ADCY5: variants seen among roughly 807,000 people sequenced by gnomAD.
ADCY5 encodes adenylate cyclase 5.
In ADCY5, 30 loss-of-function variants were observed where a neutral mutation model predicts 119.7. The ratio of observed to expected loss-of-function variants is 0.25; its 90% CI spans 0.19 to 0.34. The LOEUF is 0.34. ADCY5 is among the 10% of genes least tolerant of loss of function. ADCY5 has a pLI of 1.00. For synonymous variants in ADCY5, 753 were observed against 762.2 expected (o/e 0.99, Z 0.20); for missense variants, 1,324 against 1,775.2 (o/e 0.75, Z 4.57).
In ADCY5 at chr3:123,447,463, G is replaced by A. The variant is rs768143105; in HGVS notation, c.1083C>T (p.His361=). The A allele has an allele frequency of 1.2e-6, 2 of 1,610,030 alleles. No individual in the cohort carries two copies. The highest frequency in any genetic ancestry group is 8.5e-7 in the Non-Finnish European group (1 of 1,178,284). The change falls in exon 1 of 21, where the codon CAC becomes CAT. Residue 361 remains histidine (H), a synonymous_variant. Coordinates refer to ENST00000462833, the MANE Select transcript of ADCY5 (RefSeq NM_183357.3). ...VLSGVLLSAL[H]LAIALRTNAQ... is the part of the protein sequence containing the mutation. ...CGTTGGTGCGCAGGGCGATGGCCAG[G>A]TGGAGGGCGGACAGGAGCACCCCGC...
At chr3:123,364,092 T>C (rs1195871588) in intron 1 of ADCY5, among the ~76,000 whole-genome samples, 1 of 152,164 alleles carries the variant, frequency 6.6e-6, no homozygotes. Context: ...TGTATACATT[T>C]CAAAATGTTA....
At chr3:123,289,719 T>C (rs1939018599) in intron 19 of ADCY5, 31 bp downstream of exon 19, 1 of 1,608,716 alleles carries the variant, frequency 6.2e-7, no homozygotes, top group East Asian at 2.2e-5. Context: ...GACTGCACCC[T>C]GGGCTCAGCA....
At chr3:123,302,106 A>G (rs1939885788) in intron 14 of ADCY5, among the ~76,000 whole-genome samples, 1 of 152,214 alleles carries the variant, frequency 6.6e-6, no homozygotes, top group Non-Finnish European at 1.5e-5. Context: ...GGATGAAAAC[A>G]TAGACCTTCT....
At chr3:123,291,423 G>A in intron 17 of ADCY5, 47 bp from the exon 18 acceptor site, 1 of 1,574,500 alleles carries the variant, frequency 6.4e-7, no homozygotes, top group South Asian at 1.2e-5. Context: ...TGTGAGCCCA[G>A]ATGTCGGCCC....
At chr3:123,318,243 A>G (rs1941029788) in intron 10 of ADCY5, 126 bp from the exon 11 acceptor site, 1 of 675,396 alleles carries the variant, frequency 1.5e-6, no homozygotes, top group Non-Finnish European at 2.6e-6. Flanking sequence ...CTCCCACAAC[A>G]GGGAAGACTC....
At chr3:123,288,183 G>A (rs184234382) in intron 19 of ADCY5, among the ~76,000 whole-genome samples, 388 of 152,308 alleles carry the variant, frequency 2.5e-3, no homozygotes, top group Non-Finnish European at 3.9e-3. Flanking sequence ...CTGGCCCAGG[G>A]AAAGCCCGAT....
intron 1 of ADCY5, among the ~76,000 whole-genome samples, chr3:123,405,243 C>T (rs867007842): frequency 6.6e-6 from 1 of 152,248 alleles, no homozygotes; most frequent in African/African-American, 2.4e-5. Context: ...TGCCAAGGGA[C>T]TCCAGCCCTC....
chr3:123,362,851 C>T (rs1943299448), intron 1 of ADCY5, among the ~76,000 whole-genome samples: 1 of 151,796 alleles, frequency 6.6e-6, no homozygotes, highest in Non-Finnish European at 1.5e-5. Flanking sequence ...TAGAATTTAA[C>T]AACAAAAAAA....
intron 3 of ADCY5, among the ~76,000 whole-genome samples, chr3:123,341,847 G>C (rs1361827411): frequency 6.6e-6 from 1 of 151,964 alleles, no homozygotes; most frequent in African/African-American, 2.4e-5. Context: ...TAGCAGCTCA[G>C]TAAATGTTTG....
At chr3:123,349,499 T>C (rs1187201590) in intron 2 of ADCY5, among the ~76,000 whole-genome samples, 1 of 152,164 alleles carries the variant, frequency 6.6e-6, no homozygotes, top group Non-Finnish European at 1.5e-5. Context: ...CTGCCCTCCC[T>C]GACGCCTGCA....
chr3:123,319,537 G>A (rs1193526235), intron 10 of ADCY5, 137 bp downstream of exon 10: 2 of 1,059,804 alleles, frequency 1.9e-6, no homozygotes, highest in Admixed American at 2.5e-5. Flanking sequence ...TCTAGGTAGT[G>A]CAGCATCAGA....
intron 9 of ADCY5, 50 bp downstream of exon 9, chr3:123,320,699 G>C: frequency 1.2e-6 from 2 of 1,606,900 alleles, no homozygotes; most frequent in Non-Finnish European, 1.7e-6. Context: ...TGGATTGGGA[G>C]ATATCCCCCA....
intron 1 of ADCY5, among the ~76,000 whole-genome samples, chr3:123,446,224 C>T (rs1251644917): frequency 6.6e-6 from 1 of 152,048 alleles, no homozygotes; most frequent in Admixed American, 6.5e-5. Context: ...AGCCAGGGGA[C>T]ACAGGAGAGC....
chr3:123,374,111 C>T (rs55942221), intron 1 of ADCY5, among the ~76,000 whole-genome samples: 31,912 of 151,998 alleles, frequency 0.21, 3,494 homozygotes, highest in Middle Eastern at 0.25. Flanking sequence ...ATGCCTCTGT[C>T]GGCCAAAGAG....
At position 123,330,761 on chromosome 3, in the gene ADCY5, C is replaced by T. The variant is rs1941722343; in HGVS notation, c.1646+128G>A. On this transcript the variant is annotated intron_variant, in intron 5 of 20. Transcript: ENST00000462833. Reference sequence around the variant, plus strand: ...CACGCCAACCCTCAGCTTGGCTGGGCACCTTTTGGCAGACAGTTTCACCCC... The same window carrying T: ...CACGCCAACCCTCAGCTTGGCTGGGTACCTTTTGGCAGACAGTTTCACCCC... 4.7e-6 allele frequency: 6 copies of T among 1,282,046 alleles called. No homozygotes were observed. In the South Asian group the frequency reaches 8.1e-5, roughly 17 times the overall value. 79.4% of individuals were successfully genotyped at this position (1,282,046 alleles called of 1,614,324 possible). A position where few individuals can be genotyped will look rare whatever the true frequency, so the allele number is the denominator to read the frequency against.
chr3:123,399,426 C>T (rs937615631), intron 1 of ADCY5, among the ~76,000 whole-genome samples: 3 of 152,120 alleles, frequency 2.0e-5, no homozygotes, highest in South Asian at 2.1e-4. Flanking sequence ...CTCTACCCAC[C>T]GAAGGGTGTA....
intron 2 of ADCY5, 132 bp from the exon 3 acceptor site, chr3:123,348,035 C>CTG (rs1287703605): frequency 4.5e-6 from 2 of 448,240 alleles, no homozygotes; most frequent in South Asian, 2.0e-5. Flanking sequence ...CCTGGGTTAA[C>CTG]AGTGTGTGTG....
At chr3:123,422,775 C>G (rs1053830461) in intron 1 of ADCY5, among the ~76,000 whole-genome samples, 2 of 152,228 alleles carry the variant, frequency 1.3e-5, no homozygotes, top group African/African-American at 4.8e-5. Context: ...CTCTTCTCAT[C>G]AAGCTTTTAG....
rs147630334 is a variant in ADCY5, at chr3:123,318,027, C to A, written c.2347G>T (p.Val783Leu). Reference sequence around the variant, plus strand: ...AGGGACGGGGATACTCACTGGGGCACGATGGTGATCTGGACAAAGCAGATG... The same window carrying A: ...AGGGACGGGGATACTCACTGGGGCAAGATGGTGATCTGGACAAAGCAGATG... ...LFICFVQITI[V>L]PHSIFMLSFY... is the part of the protein sequence containing the mutation. Residue 783 changes from valine to leucine, a missense_variant, in exon 11 of 21, where the codon GTG (valine) becomes TTG (leucine). By Grantham distance (32) the Val-to-Leu change is conservative (BLOSUM62 1). Coordinates refer to ENST00000462833, the MANE Select transcript of ADCY5 (RefSeq NM_183357.3). 1.9e-6 allele frequency: 3 copies of A among 1,613,298 alleles called. No individual in the cohort carries two copies. Among genetic ancestry groups the A allele is most frequent in the South Asian group, 1.1e-5 (1 of 91,070 alleles).
Sources: gnomAD v4.1 joint callset for allele counts (sites outside exome capture counted in the v4.1 genomes callset) on GRCh38, gnomAD v4.1.1 for gene constraint, MANE v1.5 for transcripts, NCBI Gene and HGNC (gene_info 2026-07-23, HGNC 2026-07-21) for gene names.